The following NUSAP1 variants were observed in gnomAD, a reference collection of about 807,000 sequenced individuals.
NUSAP1 encodes the protein nucleolar and spindle-associated protein 1.
In NUSAP1, 32 loss-of-function variants were observed where a neutral mutation model predicts 52.8. The ratio of observed to expected loss-of-function variants is 0.61; its 90% CI spans 0.46 to 0.81. NUSAP1 has a LOEUF of 0.81. NUSAP1 is among the 40% of genes least tolerant of loss of function. The pLI is 0.00. For synonymous variants in NUSAP1, 195 were observed against 183.1 expected (o/e 1.06, Z -0.52); for missense variants, 499 against 522.3 (o/e 0.96, Z 0.43).
chr15:41,335,453 A>G (rs1321011695), intron 1 of NUSAP1, among the ~76,000 whole-genome samples: 1 of 139,636 alleles, frequency 7.2e-6, no homozygotes, highest in Admixed American at 7.3e-5. Flanking sequence ...TACTATATAA[A>G]TATACTAAAT....
chr15:41,351,840 A>C (rs922555064), intron 4 of NUSAP1: 1 of 152,200 alleles, frequency 6.6e-6, no homozygotes. Flanking sequence ...ATCTGAAAAA[A>C]AATTCCCATA....
At chr15:41,352,637 A>G (rs941153934) in intron 4 of NUSAP1, among the ~76,000 whole-genome samples, 2 of 151,772 alleles carry the variant, frequency 1.3e-5, no homozygotes. Context: ...TGCCCAGGCT[A>G]GAGCACAGTG....
intron 7 of NUSAP1, among the ~76,000 whole-genome samples, chr15:41,366,277 TTTTTTTC>T (rs1184825482): frequency 6.7e-6 from 1 of 149,522 alleles, no homozygotes. Context: ...AACCTTTCTT[TTTTTTTC>T]TTTTTTCTTT....
intron 2 of NUSAP1, among the ~76,000 whole-genome samples, chr15:41,348,644 C>T (rs1211734662): frequency 1.3e-5 from 2 of 151,796 alleles, no homozygotes; most frequent in South Asian, 2.1e-4. Context: ...TGTTTGTTTG[C>T]TTGTTTGTTT....
chr15:41,350,881 A>G, intron 3 of NUSAP1, 107 bp from the exon 4 acceptor site: 1 of 918,346 alleles, frequency 1.1e-6, no homozygotes, highest in Non-Finnish European at 1.6e-6. Flanking sequence ...TCATTCTCCT[A>G]CTTTTCTTCC....
intron 1 of NUSAP1, among the ~76,000 whole-genome samples, chr15:41,340,253 C>T (rs7165914): frequency 0.21 from 32,351 of 151,882 alleles, 3,716 homozygotes; most frequent in Non-Finnish European, 0.25. Context: ...TCGCTCTGCT[C>T]GGAGTGCTCT....
chr15:41,375,629 G>C, intron 8 of NUSAP1, 83 bp from the exon 9 acceptor site: 1 of 927,774 alleles, frequency 1.1e-6, no homozygotes, highest in Non-Finnish European at 1.8e-6. Flanking sequence ...GTATTTTTAA[G>C]ATTGAGAAGT....
intron 6 of NUSAP1, among the ~76,000 whole-genome samples, chr15:41,358,691 G>A (rs1312175767): frequency 1.3e-5 from 2 of 152,066 alleles, no homozygotes; most frequent in African/African-American, 2.4e-5. Flanking sequence ...CTGAGATCGC[G>A]CCACTGCACT....
chr15:41,365,516 G>T lies in NUSAP1; in HGVS notation c.775G>T (p.Ala259Ser). Residue 259 changes from alanine (A) to serine (S), a missense_variant, in exon 7 of 11, where the codon GCA becomes TCA. Coordinates refer to ENST00000559596, the MANE Select transcript of NUSAP1 (RefSeq NM_016359.5). Reference protein sequence around the residue: ...RRSQGRSCGPASQSTLGLKGS... With the variant: ...RRSQGRSCGPSSQSTLGLKGS... Reference sequence around the variant, plus strand: ...CTCGCAAGGCCGGTCTTGTGGCCCTGCAAGTCAGAGTACCTTGGGTCTGAA... The same window carrying T: ...CTCGCAAGGCCGGTCTTGTGGCCCTTCAAGTCAGAGTACCTTGGGTCTGAA... 6.2e-7 allele frequency: 1 copy of T among 1,612,748 alleles called. No individual in the cohort carries two copies. Among genetic ancestry groups the T allele is most frequent in the Non-Finnish European group, 8.5e-7 (1 of 1,179,420 alleles).
intron 2 of NUSAP1, among the ~76,000 whole-genome samples, chr15:41,347,318 A>G (rs914137398): frequency 6.6e-6 from 1 of 152,188 alleles, no homozygotes; most frequent in Non-Finnish European, 1.5e-5. Flanking sequence ...TAATCAGTCT[A>G]CCAGATGTCT....
chr15:41,379,978 A>C (rs1426299086), intron 10 of NUSAP1, 115 bp from the exon 11 acceptor site: 2 of 690,860 alleles, frequency 2.9e-6, no homozygotes, highest in Non-Finnish European at 5.0e-6. Context: ...TCTGTTTTAC[A>C]CAAGTATGCT....
chr15:41,375,943 G>A lies in NUSAP1; in HGVS notation c.1123+115G>A, dbSNP rs1015823919. ...TAGCCAGGCGTGGTGGCAGGCACCTGTAATCCCAGATACTTAGGATGCTGA... is the reference window on the plus strand; with the variant it reads ...TAGCCAGGCGTGGTGGCAGGCACCTATAATCCCAGATACTTAGGATGCTGA... On this transcript the variant is annotated intron_variant, in intron 9 of 10. Coordinates refer to ENST00000559596, the MANE Select transcript of NUSAP1 (RefSeq NM_016359.5). 17 of 662,098 alleles carry A rather than the reference G, an allele frequency of 2.6e-5. No homozygotes were observed. The South Asian group carries it at 2.8e-4, about 11-fold the overall frequency. 41.0% of individuals were successfully genotyped at this position (662,098 alleles called of 1,614,324 possible).
chr15:41,371,703 A>T lies in NUSAP1; in HGVS notation c.1006+19A>T. The T allele has an allele frequency of 6.4e-7, 1 of 1,567,708 alleles. No homozygotes were observed. Among genetic ancestry groups the T allele is most frequent in the East Asian group, 2.3e-5 (1 of 44,174 alleles). ...GCTGCTGGTAAAAAAAAAAAAAAAC[A>T]AAAGAAATCTGTTTCATTTTTAAGC... On this transcript the variant is annotated intron_variant, in intron 8 of 10. Transcript: ENST00000559596.
intron 2 of NUSAP1, chr15:41,345,673 G>C: frequency 3.7e-6 from 1 of 269,822 alleles, no homozygotes; most frequent in Non-Finnish European, 7.3e-6. Flanking sequence ...TGTCAGGCTG[G>C]TCTCAAACTC....
At chr15:41,364,423 G>A (rs1289091318) in intron 6 of NUSAP1, among the ~76,000 whole-genome samples, 4 of 151,894 alleles carry the variant, frequency 2.6e-5, no homozygotes, top group Non-Finnish European at 5.9e-5. Context: ...GTGGGTGCCT[G>A]TAGTCCCAGC....
chr15:41,346,273 T>C (rs2048564116), intron 2 of NUSAP1, among the ~76,000 whole-genome samples: 1 of 151,918 alleles, frequency 6.6e-6, no homozygotes, highest in Non-Finnish European at 1.5e-5. Flanking sequence ...TATTCTTTCA[T>C]TCCCAACAGA....
chr15:41,351,163 T>G (rs760653952), intron 4 of NUSAP1, 34 bp downstream of exon 4: 2 of 1,589,910 alleles, frequency 1.3e-6, no homozygotes, highest in Admixed American at 3.7e-5. Context: ...TCAAGTAACT[T>G]TAAAAACCAA....
chr15:41,335,240 A>C (rs1383134920), intron 1 of NUSAP1, among the ~76,000 whole-genome samples: 1 of 145,992 alleles, frequency 6.8e-6, no homozygotes, highest in East Asian at 2.0e-4. Flanking sequence ...TAATTATGCT[A>C]ATAAAATTTA....
intron 3 of NUSAP1, among the ~76,000 whole-genome samples, chr15:41,350,674 CTTATTA>C (rs966024845): frequency 1.3e-5 from 2 of 152,118 alleles, no homozygotes; most frequent in African/African-American, 2.4e-5. Flanking sequence ...AAATGCAGTA[CTTATTA>C]TTATTTAAAT....
Sources: gnomAD v4.1 joint callset for allele counts (sites outside exome capture counted in the v4.1 genomes callset) on GRCh38, gnomAD v4.1.1 for gene constraint, MANE v1.5 for transcripts, NCBI Gene and HGNC (gene_info 2026-07-23, HGNC 2026-07-21) for gene names.